The following ROBO1 variants were observed in gnomAD, a reference collection of about 807,000 sequenced individuals.
ROBO1 encodes the protein roundabout guidance receptor 1, also known as roundabout homolog 1.
A neutral mutation model predicts 195.9 loss-of-function variants in ROBO1; 149 were observed. That is an observed-to-expected ratio of 0.76 (90% CI 0.67 to 0.87). The LOEUF (loss-of-function observed/expected upper bound fraction) is 0.87, where lower values mean the gene tolerates loss of function less well. Ranked by LOEUF, ROBO1 falls within the 40% of genes least tolerant of loss-of-function variation. ROBO1 has a pLI of 0.00. For synonymous variants in ROBO1, 816 were observed against 733.2 expected (o/e 1.11, Z -1.82); for missense variants, 1,933 against 2,068.3 (o/e 0.93, Z 1.27).
intron 2 of ROBO1, among the ~76,000 whole-genome samples, chr3:79,279,506 T>C (rs1345356100): frequency 6.6e-6 from 1 of 152,122 alleles, no homozygotes; most frequent in Admixed American, 6.5e-5. Flanking sequence ...GGAAAGCTTA[T>C]GCACTGTTGG....
chr3:79,242,082 C>T (rs1356583809), intron 2 of ROBO1, among the ~76,000 whole-genome samples: 1 of 151,724 alleles, frequency 6.6e-6, no homozygotes, highest in Non-Finnish European at 1.5e-5. Context: ...AAGAAGGATC[C>T]CTGACCCTTT....
intron 2 of ROBO1, among the ~76,000 whole-genome samples, chr3:79,348,176 A>C (rs1354076578): frequency 6.7e-6 from 1 of 148,234 alleles, no homozygotes; most frequent in African/African-American, 2.5e-5. Flanking sequence ...GTGCCACTGC[A>C]TTCCACCCTG....
chr3:79,430,499 C>T (rs371246978), intron 2 of ROBO1, among the ~76,000 whole-genome samples: 4 of 152,098 alleles, frequency 2.6e-5, no homozygotes, highest in Non-Finnish European at 4.4e-5. Flanking sequence ...AAGAAATGAA[C>T]GGTTGGGCCA....
chr3:79,397,089 A>G (rs1279002066), intron 2 of ROBO1, among the ~76,000 whole-genome samples: 1 of 152,054 alleles, frequency 6.6e-6, no homozygotes, highest in Non-Finnish European at 1.5e-5. Flanking sequence ...TCTTTGAATA[A>G]TAGACTAAAA....
chr3:79,197,020 T>C (rs1438802320), intron 2 of ROBO1, among the ~76,000 whole-genome samples: 2 of 151,724 alleles, frequency 1.3e-5, no homozygotes, highest in Non-Finnish European at 3.0e-5. Context: ...TCCCTATTCC[T>C]GTATGATAAC....
intron 1 of ROBO1, among the ~76,000 whole-genome samples, chr3:79,709,819 T>C (rs140502243): frequency 9.2e-5 from 14 of 152,260 alleles, no homozygotes; most frequent in Non-Finnish European, 1.9e-4. Context: ...ACTGTCCTTA[T>C]AAGAGAGGCC....
At chr3:78,626,756 TACACAC>T (rs10608986) in intron 26 of ROBO1, among the ~76,000 whole-genome samples, 6,518 of 146,428 alleles carry the variant, frequency 0.045, 377 homozygotes, top group African/African-American at 0.14. Flanking sequence ...AGCACACACA[TACACAC>T]ACACACACAC....
At chr3:79,334,521 T>A (rs904081887) in intron 2 of ROBO1, among the ~76,000 whole-genome samples, 1 of 151,732 alleles carries the variant, frequency 6.6e-6, no homozygotes, top group Admixed American at 6.6e-5. Flanking sequence ...CTGGTTATAG[T>A]AGATGTTCGA....
At chr3:79,735,082 T>C (rs1252552105) in intron 1 of ROBO1, among the ~76,000 whole-genome samples, 3 of 152,220 alleles carry the variant, frequency 2.0e-5, no homozygotes, top group Non-Finnish European at 4.4e-5. Context: ...CACTTAGACA[T>C]TACCTCTGAA....
At chr3:78,675,056 A>G (rs947078994) in intron 10 of ROBO1, among the ~76,000 whole-genome samples, 1 of 152,140 alleles carries the variant, frequency 6.6e-6, no homozygotes, top group Admixed American at 6.6e-5. Context: ...CGTATCATAT[A>G]CAGAGGTAAG....
chr3:78,897,412 G>A (rs1226248470), intron 4 of ROBO1, among the ~76,000 whole-genome samples: 1 of 152,156 alleles, frequency 6.6e-6, no homozygotes, highest in Non-Finnish European at 1.5e-5. Flanking sequence ...GTCAGGACTT[G>A]GAATCGCTCT....
chr3:79,460,528 C>T (rs1249493619), intron 2 of ROBO1, among the ~76,000 whole-genome samples: 1 of 152,008 alleles, frequency 6.6e-6, no homozygotes, highest in Non-Finnish European at 1.5e-5. Flanking sequence ...TTTAATGATC[C>T]TTGTCAAGAG....
At chr3:79,112,942 T>A (rs2079915922) in intron 3 of ROBO1, among the ~76,000 whole-genome samples, 1 of 151,452 alleles carries the variant, frequency 6.6e-6, no homozygotes, top group Admixed American at 6.6e-5. Context: ...TAGAAAAAAA[T>A]TGAGATGTGG....
chr3:78,739,880 G>A (rs996194129), intron 5 of ROBO1, among the ~76,000 whole-genome samples: 3 of 152,068 alleles, frequency 2.0e-5, no homozygotes, highest in African/African-American at 7.2e-5. Flanking sequence ...CTGTCATCCT[G>A]AGTCAAAATT....
chr3:79,707,364 C>A (rs115484460), intron 1 of ROBO1, among the ~76,000 whole-genome samples: 1 of 152,228 alleles, frequency 6.6e-6, no homozygotes, highest in Non-Finnish European at 1.5e-5. Context: ...CTTTATGACA[C>A]TATTAACCCT....
intron 4 of ROBO1, among the ~76,000 whole-genome samples, chr3:78,850,923 C>T (rs1429257936): frequency 2.6e-5 from 4 of 152,172 alleles, no homozygotes; most frequent in Non-Finnish European, 5.9e-5. Context: ...TCTCCTGCCT[C>T]AGCCTCCTGA....
chr3:79,416,585 G>A (rs1247861755), intron 2 of ROBO1, among the ~76,000 whole-genome samples: 1 of 149,896 alleles, frequency 6.7e-6, no homozygotes, highest in Non-Finnish European at 1.5e-5. Context: ...TCCAGCCTGG[G>A]TGAGAGAGTG....
chr3:79,713,875 G>C (rs967305875), intron 1 of ROBO1, among the ~76,000 whole-genome samples: 2 of 152,026 alleles, frequency 1.3e-5, no homozygotes, highest in African/African-American at 2.4e-5. Flanking sequence ...GCTTGTTTTT[G>C]TCAGGTTTGT....
At chr3:78,895,071 T>G (rs2037151197) in intron 4 of ROBO1, among the ~76,000 whole-genome samples, 1 of 152,188 alleles carries the variant, frequency 6.6e-6, no homozygotes, top group Non-Finnish European at 1.5e-5. Context: ...GAGCCCAACA[T>G]GCATTTGACA....
Sources: allele counts gnomAD v4.1 joint callset (sites outside exome capture counted in the v4.1 genomes callset), GRCh38; gene constraint gnomAD v4.1.1; transcripts MANE v1.5; gene names NCBI Gene and HGNC (gene_info 2026-07-23, HGNC 2026-07-21).